Variants in SHBG observed in about 807,000 individuals in gnomAD.
The protein encoded by SHBG is sex hormone binding globulin.
A neutral mutation model predicts 41.9 loss-of-function variants in SHBG; 37 were observed. The observed-to-expected ratio is 0.88, with a 90% confidence interval of 0.68 to 1.16. The LOEUF (loss-of-function observed/expected upper bound fraction) is 1.16. SHBG is among the 50% of genes most tolerant of loss of function. The probability of loss-of-function intolerance (pLI) is 0.00; values close to 1 mark genes in which losing one functional copy is unlikely to be tolerated. For synonymous variants in SHBG, 217 were observed against 205.8 expected (o/e 1.05, Z -0.47); for missense variants, 466 against 499.9 (o/e 0.93, Z 0.65).
At chr17:7,627,754 G>A (rs575328474), upstream of SHBG, 3 of 1,190,036 alleles carry the variant, frequency 2.5e-6, no homozygotes, top group South Asian at 1.3e-5. The surrounding 1 kb of genome is among the most constrained non-coding windows in gnomAD (Gnocchi z 4.8). Flanking sequence ...GCGGGAGTCG[G>A]GGGGGACGGC....
upstream of SHBG, chr17:7,627,390 A>C (rs767450293): frequency 5.0e-6 from 8 of 1,614,060 alleles, no homozygotes; most frequent in African/African-American, 1.3e-5. This position sits in a 1 kb window ranked among gnomAD's most constrained non-coding sequence, Gnocchi z 4.8. Flanking sequence ...ACCTGATCCG[A>C]GAGTTTTTCG....
rs928387194 is a variant in SHBG, at chr17:7,614,241, A to T, written c.-62+130A>T. 10 of 688,184 alleles carry T rather than the reference A, an allele frequency of 1.5e-5. No homozygotes were observed. The Admixed American group carries it at 2.0e-4, about 14-fold the overall frequency. 42.6% of individuals were successfully genotyped at this position (688,184 alleles called of 1,614,324 possible). On this transcript the variant is annotated intron_variant, in intron 1 of 5. Transcript: ENST00000570547. Reference sequence around the variant, plus strand: ...TTCATTCTCCCGGAGATGGGGGTAGAAGCAGGTGCAGGTGCCTTAGAGGGG... The same window carrying T: ...TTCATTCTCCCGGAGATGGGGGTAGTAGCAGGTGCAGGTGCCTTAGAGGGG...
At chr17:7,623,159 G>A (rs1036511132), upstream of SHBG, among the ~76,000 whole-genome samples, 1 of 152,152 alleles carries the variant, frequency 6.6e-6, no homozygotes, top group Non-Finnish European at 1.5e-5. Context: ...TTTGGAGGCC[G>A]AGGTGGGCAG....
At chr17:7,631,058 C>A (rs1365222984) in intron 3 of SHBG, 142 bp from the exon 4 acceptor site, 1 of 982,338 alleles carries the variant, frequency 1.0e-6, no homozygotes, top group Non-Finnish European at 1.5e-6. Flanking sequence ...ATATAAGTGA[C>A]AAGAGCTGAG....
At chr17:7,626,174 ACAGAGAC>A, upstream of SHBG, 1 of 331,102 alleles carries the variant, frequency 3.0e-6, no homozygotes, top group Non-Finnish European at 5.5e-6. Flanking sequence ...AGCGTGCGCG[ACAGAGAC>A]TCTGTCTCAA....
Position 7,621,700 on chromosome 17 carries a change from C to G in SHBG, c.-62+7589C>G, listed in dbSNP as rs77077182. 2.0e-4 allele frequency among the ~76,000 whole-genome samples: 30 copies of G among 147,948 alleles called. No individual in the cohort carries two copies. The East Asian group carries it at 3.4e-3, about 17-fold the overall frequency. Reference sequence around the variant, plus strand: ...ATAAAATAAAGTACATAATGTATATCTGTGAAAAAAAAAATCCCATGGAAT... The same window carrying G: ...ATAAAATAAAGTACATAATGTATATGTGTGAAAAAAAAAATCCCATGGAAT... On this transcript the variant is annotated intron_variant, in intron 1 of 5. Transcript: ENST00000570547.
Position 7,632,936 on chromosome 17 carries a change from G to T in SHBG, c.1037G>T (p.Arg346Leu), listed in dbSNP as rs758188449. 1 of 1,614,074 alleles carries T rather than the reference G, an allele frequency of 6.2e-7. No homozygotes were observed. The change falls in exon 7 of 8, where the codon CGT becomes CTT. Residue 346 changes from arginine to leucine, a missense_variant. Physicochemically the swap from Arg to Leu is moderately radical, Grantham distance 102. Coordinates refer to ENST00000380450, the MANE Select transcript of SHBG (RefSeq NM_001040.5). ...LLNLWAKPQG[R>L]LFLGALPGED... The stretch of plus-strand genomic sequence containing the variant: ...AACCTCTGGGCCAAGCCTCAAGGGC[G>T]TCTCTTCCTGGGGGCTTTACCAGGT...
At chr17:7,616,908 C>G (rs1374589367) in intron 1 of SHBG, among the ~76,000 whole-genome samples, 2 of 152,034 alleles carry the variant, frequency 1.3e-5, no homozygotes, top group Non-Finnish European at 2.9e-5. Flanking sequence ...TGCACTCCAG[C>G]CTGGGCAAAA....
upstream of SHBG, among the ~76,000 whole-genome samples, chr17:7,623,971 GTT>G (rs2072144712): frequency 6.6e-6 from 1 of 152,032 alleles, no homozygotes; most frequent in African/African-American, 2.4e-5. Context: ...TTGTTTGTTT[GTT>G]TTAGACAGAG....
intron 1 of SHBG, among the ~76,000 whole-genome samples, chr17:7,617,382 A>G (rs2150954580): frequency 6.6e-6 from 1 of 152,024 alleles, no homozygotes; most frequent in South Asian, 2.1e-4. Flanking sequence ...CGGGTGGATC[A>G]CCTGAGGTCA....
Position 7,630,833 on chromosome 17 carries a change from T to A in SHBG, c.357T>A (p.Gly119=). 1 of 1,613,578 alleles carries A rather than the reference T, an allele frequency of 6.2e-7. No homozygotes were observed. The highest frequency in any genetic ancestry group is 1.1e-5 in the South Asian group (1 of 91,052). The stretch of plus-strand genomic sequence containing the variant: ...ATCACTGGGCCCAGCTTACGGTGGG[T>A]GCTGGACCACGGCTGGATGATGGGA... ...LHNHWAQLTV[G]AGPRLDDGRW... The change falls in exon 3 of 8, where the codon GGT becomes GGA. Residue 119 remains glycine, a synonymous_variant. Coordinates refer to ENST00000380450, the MANE Select transcript of SHBG (RefSeq NM_001040.5). This position sits in a 1 kb window ranked among gnomAD's most constrained non-coding sequence, Gnocchi z 4.6.
At chr17:7,614,515 A>G in intron 1 of SHBG, 1 of 1,513,020 alleles carries the variant, frequency 6.6e-7, no homozygotes, top group Non-Finnish European at 8.8e-7. Context: ...CATCCCCCCC[A>G]GAGGCCAGGC....
At chr17:7,627,065 G>A, upstream of SHBG, 2 of 1,612,706 alleles carry the variant, frequency 1.2e-6, no homozygotes, top group Non-Finnish European at 1.7e-6. The surrounding 1 kb of genome is among the most constrained non-coding windows in gnomAD (Gnocchi z 4.8). Context: ...GAAAAGGGGA[G>A]TAAGGCTTCT....
rs762307486 is a variant in SHBG, at chr17:7,631,871, C to G, written c.716-8C>G. 1 of 1,614,058 alleles carries G rather than the reference C, an allele frequency of 6.2e-7. No individual in the cohort carries two copies. The highest frequency in any genetic ancestry group is 8.5e-7 in the Non-Finnish European group (1 of 1,180,014). On this transcript the variant is annotated splice_region_variant and splice_polypyrimidine_tract_variant and intron_variant, in intron 5 of 7. Coordinates refer to ENST00000380450, the MANE Select transcript of SHBG (RefSeq NM_001040.5). ...TTGAGGCCTCAGGATAATCATTTCT[C>G]CCCACAGACATTCCCCAGCCTCATG...
chr17:7,628,388 G>A (rs1034675161), upstream of SHBG, among the ~76,000 whole-genome samples: 1 of 151,648 alleles, frequency 6.6e-6, no homozygotes, highest in African/African-American at 2.4e-5. Context: ...CTCAGCCTCC[G>A]GAGTAGCTGG....
chr17:7,620,692 G>A (rs1002644843), intron 1 of SHBG, among the ~76,000 whole-genome samples: 2 of 151,498 alleles, frequency 1.3e-5, no homozygotes, highest in Non-Finnish European at 2.9e-5. Flanking sequence ...GTGCAATGGT[G>A]CAATCTCGGC....
At chr17:7,619,664 T>C (rs2072055466) in intron 1 of SHBG, among the ~76,000 whole-genome samples, 1 of 148,074 alleles carries the variant, frequency 6.8e-6, no homozygotes, top group Non-Finnish European at 1.5e-5. Context: ...TGAGCCGAGA[T>C]CATGCCATTG....
At chr17:7,615,658 C>G (rs1166783364) in intron 1 of SHBG, among the ~76,000 whole-genome samples, 3 of 103,054 alleles carry the variant, frequency 2.9e-5, no homozygotes, top group African/African-American at 1.1e-4. Flanking sequence ...CCCCCCCCCC[C>G]ACCCCGCATC....
At chr17:7,629,375 C>CTAAAA (rs58676803), upstream of SHBG, among the ~76,000 whole-genome samples, 29,423 of 146,158 alleles carry the variant, frequency 0.2, 3,296 homozygotes, top group East Asian at 0.38. Context: ...AAGACTCTGT[C>CTAAAA]TAAAATAAAA....
Sources: allele counts gnomAD v4.1 joint callset (sites outside exome capture counted in the v4.1 genomes callset), GRCh38; gene constraint gnomAD v4.1.1; non-coding constraint Gnocchi (gnomAD v3.1); transcripts MANE v1.5; gene names NCBI Gene and HGNC (gene_info 2026-07-23, HGNC 2026-07-21).